The following CDYL variants were observed in gnomAD, a reference collection of about 807,000 sequenced individuals.
CDYL encodes the protein chromodomain Y like.
A neutral mutation model predicts 47.3 loss-of-function variants in CDYL; 8 were observed. That is an observed-to-expected ratio of 0.17 (90% confidence interval 0.10 to 0.31). CDYL has a LOEUF of 0.31. CDYL is among the 10% of genes least tolerant of loss of function. The pLI is 1.00. For missense variants in CDYL, 471 were observed against 701.4 expected, an observed-to-expected ratio of 0.67 and a Z score of 3.71; for synonymous variants, 266 against 265.0, an observed-to-expected ratio of 1.00 and a Z score of -0.04.
At chr6:4,807,815 G>A (rs368483607) in intron 1 of CDYL, among the ~76,000 whole-genome samples, 4 of 151,744 alleles carry the variant, frequency 2.6e-5, no homozygotes, top group African/African-American at 9.7e-5. Flanking sequence ...TATGTTGCCC[G>A]TGCTGGTCTT....
intron 5 of CDYL, among the ~76,000 whole-genome samples, chr6:4,950,852 A>AGCCTGGGAGGCGGAGCTT (rs1758679348): frequency 6.6e-6 from 1 of 150,438 alleles, no homozygotes; most frequent in East Asian, 2.0e-4. Flanking sequence ...GAATGGTGTG[A>AGCCTGGGAGGCGGAGCTT]GCCTGGGAGG....
At chr6:4,729,523 C>G (rs952744290) in intron 2 of CDYL, among the ~76,000 whole-genome samples, 4 of 151,764 alleles carry the variant, frequency 2.6e-5, no homozygotes, top group African/African-American at 9.7e-5. Flanking sequence ...GGCATGGATC[C>G]GAGAAGTCCT....
At chr6:4,768,719 C>A (rs1252120130) in intron 3 of CDYL, among the ~76,000 whole-genome samples, 11 of 152,120 alleles carry the variant, frequency 7.2e-5, no homozygotes, top group Admixed American at 6.5e-4. Context: ...CAAAGTGACT[C>A]CCTTCCAAAC....
At chr6:4,817,437 C>T (rs540421911) in intron 1 of CDYL, among the ~76,000 whole-genome samples, 1 of 152,044 alleles carries the variant, frequency 6.6e-6, no homozygotes, top group African/African-American at 2.4e-5. Context: ...ACCGGCAGTA[C>T]CTGAGTGACC....
intron 1 of CDYL, among the ~76,000 whole-genome samples, chr6:4,781,407 T>C (rs541908657): frequency 6.6e-6 from 1 of 152,178 alleles, no homozygotes; most frequent in Non-Finnish European, 1.5e-5. Context: ...GGTGTAGCTG[T>C]CTGAAAAGAT....
intron 3 of CDYL, 74 bp from the exon 4 acceptor site, chr6:4,937,491 C>G: frequency 8.2e-7 from 1 of 1,215,814 alleles, no homozygotes; most frequent in East Asian, 3.0e-5. Context: ...GTGAGACTCT[C>G]TCCAAAAAAA....
chr6:4,825,215 G>A (rs1202243339), intron 1 of CDYL, among the ~76,000 whole-genome samples: 1 of 152,036 alleles, frequency 6.6e-6, no homozygotes, highest in African/African-American at 2.4e-5. Flanking sequence ...TATCACTTTT[G>A]GTTAGCATGC....
intron 1 of CDYL, among the ~76,000 whole-genome samples, chr6:4,803,970 C>CGTA (rs1759297410): frequency 6.9e-6 from 1 of 145,642 alleles, no homozygotes; most frequent in Non-Finnish European, 1.5e-5. Flanking sequence ...TGTCTCATGG[C>CGTA]GTAGCGTGCT....
intron 1 of CDYL, among the ~76,000 whole-genome samples, chr6:4,796,226 C>T (rs1179256997): frequency 6.6e-6 from 1 of 152,154 alleles, no homozygotes; most frequent in Admixed American, 6.5e-5. Context: ...AGCCACTGCG[C>T]CTGGCCCACT....
At chr6:4,938,242 T>TG (rs1020692100) in intron 4 of CDYL, among the ~76,000 whole-genome samples, 10 of 151,996 alleles carry the variant, frequency 6.6e-5, no homozygotes, top group Admixed American at 3.3e-4. Flanking sequence ...TGTTTTTTTT[T>TG]TTTGTTTCTT....
chr6:4,849,205 T>C (rs1269387940), intron 1 of CDYL, among the ~76,000 whole-genome samples: 1 of 152,190 alleles, frequency 6.6e-6, no homozygotes, highest in African/African-American at 2.4e-5. Context: ...TGAGTGTTTC[T>C]TAAAACCAAC....
At chr6:4,732,803 G>C (rs969515459) in intron 2 of CDYL, among the ~76,000 whole-genome samples, 7 of 152,090 alleles carry the variant, frequency 4.6e-5, no homozygotes, top group African/African-American at 1.7e-4. Flanking sequence ...AGTTTGAAAA[G>C]GAAAATGAAA....
intron 2 of CDYL, among the ~76,000 whole-genome samples, chr6:4,932,936 G>A (rs1474048037): frequency 3.9e-5 from 6 of 152,036 alleles, no homozygotes; most frequent in Admixed American, 3.3e-4. Context: ...CACTCTTCAC[G>A]CCATAGTGAA....
intron 3 of CDYL, among the ~76,000 whole-genome samples, chr6:4,735,826 A>G (rs1392038126): frequency 1.3e-5 from 2 of 152,086 alleles, no homozygotes; most frequent in Non-Finnish European, 2.9e-5. Flanking sequence ...AACTATCACC[A>G]CAATTTATGT....
chr6:4,851,677 A>C (rs1376701085), intron 1 of CDYL, among the ~76,000 whole-genome samples: 2 of 152,240 alleles, frequency 1.3e-5, no homozygotes, highest in Admixed American at 1.3e-4. Flanking sequence ...CATTGCATCC[A>C]CCAGCACCTT....
intron 1 of CDYL, among the ~76,000 whole-genome samples, chr6:4,786,625 G>A (rs992703696): frequency 3.3e-5 from 5 of 152,196 alleles, no homozygotes; most frequent in Admixed American, 3.3e-4. Flanking sequence ...AGGTGCACTA[G>A]TAGTTTTTAT....
At chr6:4,928,353 T>C (rs2027418) in intron 2 of CDYL, among the ~76,000 whole-genome samples, 100,994 of 152,082 alleles carry the variant, frequency 0.66, 34,637 homozygotes, top group Middle Eastern at 0.87. Context: ...TTAAGTTGTT[T>C]ATTCCTAATT....
At chr6:4,893,798 T>A (rs1170256805) in intron 2 of CDYL, among the ~76,000 whole-genome samples, 3 of 152,238 alleles carry the variant, frequency 2.0e-5, no homozygotes, top group African/African-American at 7.2e-5. Flanking sequence ...GTTGGTTTGT[T>A]TGGGGAGCTA....
At chr6:4,894,015 A>C (rs899392029) in intron 2 of CDYL, among the ~76,000 whole-genome samples, 1 of 152,186 alleles carries the variant, frequency 6.6e-6, no homozygotes, top group African/African-American at 2.4e-5. Flanking sequence ...TTCCGGCTTC[A>C]TTGGAGCTTG....
Sources: allele counts gnomAD v4.1 joint callset (sites outside exome capture counted in the v4.1 genomes callset), GRCh38; gene constraint gnomAD v4.1.1; transcripts MANE v1.5; gene names NCBI Gene and HGNC (gene_info 2026-07-23, HGNC 2026-07-21).